OCA2: variants seen among roughly 807,000 people sequenced by gnomAD.
The protein encoded by OCA2 is P protein.
In OCA2, 77 loss-of-function variants were observed where a neutral mutation model predicts 100.2. That is an observed-to-expected ratio of 0.77 (90% confidence interval 0.64 to 0.93). The LOEUF is 0.93. Among genes scored for constraint, OCA2 ranks in the 40% least tolerant of loss-of-function variants. OCA2 has a pLI of 0.00. For missense variants in OCA2, 1,062 were observed against 1,089.1 expected, an observed-to-expected ratio of 0.98 and a Z score of 0.35; for synonymous variants, 432 against 439.2, an observed-to-expected ratio of 0.98 and a Z score of 0.21.
At chr15:27,845,098 A>G (rs1567016486) in intron 22 of OCA2, 46 bp from the exon 23 acceptor site, 2 of 1,372,522 alleles carry the variant, frequency 1.5e-6, no homozygotes, top group Non-Finnish European at 2.1e-6. Context: ...TCTTGGTGGT[A>G]AGCTTCTGTT....
intron 23 of OCA2, among the ~76,000 whole-genome samples, chr15:27,797,954 A>G (rs1168631326): frequency 1.3e-5 from 2 of 152,082 alleles, no homozygotes; most frequent in East Asian, 1.9e-4. Context: ...GAAGCACTCT[A>G]CCCGGGAGCT....
intron 23 of OCA2, among the ~76,000 whole-genome samples, chr15:27,804,059 A>G (rs1251304580): frequency 1.3e-5 from 2 of 152,226 alleles, no homozygotes; most frequent in Non-Finnish European, 2.9e-5. Flanking sequence ...CATTTTAAGT[A>G]TTTGTAATTT....
chr15:27,742,353 T>C, the OCA2 span, among the ~76,000 whole-genome samples: 2 of 152,022 alleles, frequency 1.3e-5, no homozygotes, highest in African/African-American at 4.8e-5. Flanking sequence ...GAGCAGACAG[T>C]ATGCTTGGGG....
intron 1 of OCA2, among the ~76,000 whole-genome samples, chr15:28,091,898 G>A (rs1313816726): frequency 2.0e-5 from 3 of 152,202 alleles, no homozygotes; most frequent in East Asian, 3.8e-4. Flanking sequence ...GGAGGTTGGA[G>A]TGAGCTGAGA....
At chr15:27,932,977 G>GAA (rs36014650) in intron 18 of OCA2, among the ~76,000 whole-genome samples, 26 of 148,864 alleles carry the variant, frequency 1.7e-4, no homozygotes, top group African/African-American at 6.1e-4. Context: ...ACAAGGCATA[G>GAA]AAAAAAAAAA....
the OCA2 span, among the ~76,000 whole-genome samples, chr15:27,728,032 A>G: frequency 1.3e-5 from 2 of 152,082 alleles, no homozygotes; most frequent in East Asian, 3.9e-4. Flanking sequence ...AAAGGCATTC[A>G]CCTCCTCTTA....
chr15:27,755,725 T>C (rs569874890), intron 23 of OCA2, among the ~76,000 whole-genome samples: 1 of 152,364 alleles, frequency 6.6e-6, no homozygotes, highest in Non-Finnish European at 1.5e-5. Flanking sequence ...AATGGCTATA[T>C]GGAGCCTCTG....
chr15:27,950,839 C>T (rs549487330), intron 18 of OCA2, among the ~76,000 whole-genome samples: 8 of 152,268 alleles, frequency 5.3e-5, no homozygotes, highest in East Asian at 3.9e-4. Context: ...TCACTTTCTA[C>T]GGCAGCTGCA....
At chr15:28,055,557 A>G (rs2141609506) in intron 2 of OCA2, among the ~76,000 whole-genome samples, 1 of 152,306 alleles carries the variant, frequency 6.6e-6, no homozygotes, top group South Asian at 2.1e-4. Context: ...TGGTATCCTC[A>G]ATGGGTGTCT....
chr15:28,081,545 A>C, intron 2 of OCA2, 103 bp downstream of exon 2: 1 of 1,206,330 alleles, frequency 8.3e-7, no homozygotes, highest in Non-Finnish European at 1.2e-6. Flanking sequence ...TTCTTGCAAA[A>C]TTTCTGGAAA....
At chr15:28,095,472 T>G (rs1285829715) in intron 1 of OCA2, among the ~76,000 whole-genome samples, 1 of 152,032 alleles carries the variant, frequency 6.6e-6, no homozygotes, top group Non-Finnish European at 1.5e-5. Context: ...ATCCCAGCAA[T>G]TTGAAAGACC....
intron 19 of OCA2, among the ~76,000 whole-genome samples, chr15:27,913,745 A>G (rs1031683114): frequency 6.6e-6 from 1 of 150,780 alleles, no homozygotes; most frequent in Admixed American, 6.7e-5. Flanking sequence ...GATGGCCTCA[A>G]AGAGTGAATT....
chr15:27,740,191 T>G, the OCA2 span, among the ~76,000 whole-genome samples: 1 of 152,158 alleles, frequency 6.6e-6, no homozygotes. Flanking sequence ...AAATGTTGTT[T>G]AGAATAAAAG....
Position 28,081,901 on chromosome 15 carries a change from G to A in OCA2, c.-21-6C>T, listed in dbSNP as rs1472783802. The A allele has an allele frequency of 1.3e-6, 2 of 1,594,302 alleles. No individual in the cohort carries two copies. Among genetic ancestry groups the A allele is most frequent in the Non-Finnish European group, 8.5e-7 (1 of 1,171,552 alleles). On this transcript the variant is annotated splice_polypyrimidine_tract_variant and splice_region_variant and intron_variant, in intron 1 of 23. Transcript: ENST00000354638. ...CTCCACTGCCAGTCTTCTCTCTAGG[G>A]CAGCCAGAAAGAAACCACTCTTCAT...
intron 19 of OCA2, among the ~76,000 whole-genome samples, chr15:27,884,532 C>A (rs1388425491): frequency 6.6e-6 from 1 of 151,900 alleles, no homozygotes; most frequent in East Asian, 1.9e-4. Context: ...AGTTAAATGA[C>A]CCTCATGTTT....
At chr15:27,741,474 G>C in the OCA2 span, among the ~76,000 whole-genome samples, 76 of 152,302 alleles carry the variant, frequency 5.0e-4, no homozygotes, top group African/African-American at 1.6e-3. Flanking sequence ...CCCCACGGTT[G>C]AGCAGAAAAC....
At position 28,070,378 on chromosome 15, in the gene OCA2, C is replaced by T. The variant is rs868396080; in HGVS notation, c.227+11270G>A. Among the ~76,000 whole-genome samples, 642 of 139,550 alleles carry T rather than the reference C, an allele frequency of 4.6e-3. 5 individuals carry two copies. Among genetic ancestry groups the T allele is most frequent in the Middle Eastern group, 0.023 (6 of 256 alleles). 91.6% of individuals were successfully genotyped at this position (139,550 alleles called of 152,430 possible). ...GAGGTGAGGGGCACCTCTGCCCGGC[C>T]GCCCCTACTGGGAAGTGAGGAGCCC... On this transcript the variant is annotated intron_variant, in intron 2 of 23. Coordinates refer to ENST00000354638, the MANE Select transcript of OCA2 (RefSeq NM_000275.3).
At chr15:27,938,341 C>T (rs2039530225) in intron 18 of OCA2, among the ~76,000 whole-genome samples, 1 of 152,216 alleles carries the variant, frequency 6.6e-6, no homozygotes, top group African/African-American at 2.4e-5. Context: ...AGCATCCACC[C>T]TGTCTCACCA....
chr15:27,952,108 T>C (rs913881126), intron 17 of OCA2, among the ~76,000 whole-genome samples: 2 of 152,224 alleles, frequency 1.3e-5, no homozygotes, highest in African/African-American at 4.8e-5. Context: ...TAAACACAGA[T>C]GTCAAGAGTA....
Sources: allele counts gnomAD v4.1 joint callset (sites outside exome capture counted in the v4.1 genomes callset), GRCh38; gene constraint gnomAD v4.1.1; transcripts MANE v1.5; gene names NCBI Gene and HGNC (gene_info 2026-07-23, HGNC 2026-07-21).